The following XRN1 variants were observed in gnomAD, a reference collection of about 807,000 sequenced individuals.
XRN1 encodes the protein strand-exchange protein 1 homolog.
In XRN1, 67 loss-of-function variants were observed where a neutral mutation model predicts 222.3. The observed-to-expected ratio is 0.30, with a 90% CI of 0.25 to 0.37. The LOEUF (loss-of-function observed/expected upper bound fraction) is 0.37, where lower values mean the gene tolerates loss of function less well. Among genes scored for constraint, XRN1 ranks in the 10% least tolerant of loss-of-function variants. The probability of loss-of-function intolerance (pLI) is 1.00; values close to 1 mark genes in which losing one functional copy is unlikely to be tolerated. For synonymous variants in XRN1, 643 were observed against 652.4 expected, an observed-to-expected ratio of 0.99 and a Z score of 0.22; for missense variants, 1,707 against 2,000.2, an observed-to-expected ratio of 0.85 and a Z score of 2.80.
chr3:142,324,090 T>C (rs2065443881), intron 37 of XRN1, among the ~76,000 whole-genome samples: 1 of 151,902 alleles, frequency 6.6e-6, no homozygotes, highest in Non-Finnish European at 1.5e-5. Context: ...TTTCAGTTTT[T>C]TTTTTATTAT....
chr3:142,416,888 T>C (rs1193161432), intron 13 of XRN1, among the ~76,000 whole-genome samples: 1 of 151,704 alleles, frequency 6.6e-6, no homozygotes, highest in Non-Finnish European at 1.5e-5. Flanking sequence ...AAAAATTAGC[T>C]GGCCGTGGTG....
At chr3:142,413,540 G>C (rs1040019472) in intron 14 of XRN1, among the ~76,000 whole-genome samples, 1 of 152,106 alleles carries the variant, frequency 6.6e-6, no homozygotes, top group Non-Finnish European at 1.5e-5. Flanking sequence ...AGAACAGATT[G>C]TTACCCTCAA....
At chr3:142,332,270 A>C in intron 36 of XRN1, 105 bp downstream of exon 36, 1 of 942,936 alleles carries the variant, frequency 1.1e-6, no homozygotes. Flanking sequence ...AAATAAATAC[A>C]TTAAAATAAA....
intron 2 of XRN1, among the ~76,000 whole-genome samples, 185 bp from the exon 3 acceptor site, chr3:142,427,026 A>G (rs557356913): frequency 6.6e-6 from 1 of 152,296 alleles, no homozygotes; most frequent in East Asian, 1.9e-4. Context: ...TGTTTTGTTT[A>G]TTTAAAGAAT....
At chr3:142,323,283 GTTTT>G (rs570184478) in intron 37 of XRN1, among the ~76,000 whole-genome samples, 474 of 145,242 alleles carry the variant, frequency 3.3e-3, no homozygotes, top group Non-Finnish European at 5.6e-3. Context: ...CACTCTTAAG[GTTTT>G]TTTTTTGTTT....
At chr3:142,363,571 C>T (rs558010419) in intron 29 of XRN1, among the ~76,000 whole-genome samples, 2 of 143,744 alleles carry the variant, frequency 1.4e-5, no homozygotes, top group South Asian at 4.4e-4. Flanking sequence ...GTAAAGTTTA[C>T]TCTAGCTTTG....
chr3:142,329,413 T>C (rs1332395902), intron 37 of XRN1, 21 bp downstream of exon 37: 4 of 1,388,784 alleles, frequency 2.9e-6, no homozygotes, highest in Middle Eastern at 2.0e-4. Context: ...TTTATATAAA[T>C]AGAACAGTAG....
At chr3:142,431,585 G>A (rs2069527758) in intron 2 of XRN1, among the ~76,000 whole-genome samples, 1 of 151,654 alleles carries the variant, frequency 6.6e-6, no homozygotes, top group African/African-American at 2.4e-5. Flanking sequence ...GGGAGGCTGA[G>A]GTGGGTGGCT....
rs528861456 is a variant in XRN1 at position 142,358,248 on chromosome 3, G to A, written c.3465-1129C>T. Among the ~76,000 whole-genome samples, 3 of 152,090 alleles carry A rather than the reference G, an allele frequency of 2.0e-5. No homozygotes were observed. The East Asian group carries it at 5.8e-4, about 29-fold the overall frequency. ...TTTTCCCTCATTTTCCCATCTTAAAGTTCTGGGCCTGTACCTGGAAAGGCT... is the reference window on the plus strand; with the variant it reads ...TTTTCCCTCATTTTCCCATCTTAAAATTCTGGGCCTGTACCTGGAAAGGCT... On this transcript the variant is annotated intron_variant, in intron 30 of 40. Transcript: ENST00000392981.
At position 142,365,333 on chromosome 3, in the gene XRN1, C is replaced by G. The variant is rs2066781517; in HGVS notation, c.3238G>C (p.Val1080Leu). ...ACTCTGTATAGCAAATGGGGTTTCA[C>G]TGTTACTCGCACCTTCTTATTATTC... Reference protein sequence around the residue: ...RKNNKKVRVTVKPHLLYRPLE... With the variant: ...RKNNKKVRVTLKPHLLYRPLE... Residue 1080 changes from valine (V) to leucine (L), a missense_variant, in exon 28 of 41, where the codon GTG becomes CTG. Physicochemically the swap from Val to Leu is conservative, Grantham distance 32 (BLOSUM62 1). Around this residue, in one of 2 missense-constraint regions of XRN1, gnomAD observed 1,234 missense variants for 1,518.2 expected, o/e 0.81. Coordinates refer to ENST00000392981, the MANE Select transcript of XRN1 (RefSeq NM_001282857.2). 1 of 1,585,706 alleles carries G rather than the reference C, an allele frequency of 6.3e-7. No individual in the cohort carries two copies. The highest frequency in any genetic ancestry group is 2.3e-5 in the East Asian group (1 of 44,188).
Position 142,422,572 on chromosome 3 carries a change from T to C in XRN1, c.967+10A>G, listed in dbSNP as rs747252500. The C allele has an allele frequency of 1.7e-5, 28 of 1,611,376 alleles. No individual in the cohort carries two copies. Among genetic ancestry groups the C allele is most frequent in the Non-Finnish European group, 2.3e-5 (27 of 1,178,686 alleles). On this transcript the variant is annotated intron_variant, in intron 8 of 40. Transcript: ENST00000392981. ...AAAGTATCCTCGAGAGATTATTAAA[T>C]TCTTCTTACCCCCAAGTTCTGGCAG...
At chr3:142,443,586 CG>C (rs1489276140) in intron 1 of XRN1, among the ~76,000 whole-genome samples, 2 of 152,226 alleles carry the variant, frequency 1.3e-5, no homozygotes, top group Non-Finnish European at 2.9e-5. Context: ...CAACCCCCTT[CG>C]GGTCCCCTCC....
intron 33 of XRN1, 73 bp downstream of exon 33, chr3:142,347,161 A>G: frequency 9.4e-7 from 1 of 1,060,004 alleles, no homozygotes; most frequent in East Asian, 2.6e-5. Flanking sequence ...TATGTAAATT[A>G]TATCAATAAA....
chr3:142,411,068 A>G (rs925989211), intron 15 of XRN1, among the ~76,000 whole-genome samples: 19 of 152,322 alleles, frequency 1.2e-4, no homozygotes, highest in Admixed American at 5.9e-4. Context: ...GTGAGTTTTG[A>G]TAAGTTGTGA....
chr3:142,311,953 G>A, intron 40 of XRN1, 140 bp from the exon 41 acceptor site: 1 of 884,134 alleles, frequency 1.1e-6, no homozygotes, highest in Non-Finnish European at 1.7e-6. Context: ...TGCCAAGTAA[G>A]ACTTTAGTAA....
chr3:142,327,266 C>T (rs1447308304), intron 37 of XRN1, among the ~76,000 whole-genome samples: 2 of 151,986 alleles, frequency 1.3e-5, no homozygotes, highest in Non-Finnish European at 2.9e-5. Flanking sequence ...TTTTTACTAC[C>T]GCTTCCATCT....
chr3:142,385,882 C>T (rs1577339898), intron 20 of XRN1, among the ~76,000 whole-genome samples: 1 of 151,934 alleles, frequency 6.6e-6, no homozygotes, highest in South Asian at 2.1e-4. Flanking sequence ...CTCAGTCCAT[C>T]TACCGAGCTC....
chr3:142,384,508 T>C lies in XRN1; in HGVS notation c.2502+15A>G, dbSNP rs1245322830. On this transcript the variant is annotated intron_variant, in intron 21 of 40. Transcript: ENST00000392981. ...GTGTATATTAAGACAGAATTGAAACTTGATATAGACTTACCTTGACAATAG... is the reference window on the plus strand; with the variant it reads ...GTGTATATTAAGACAGAATTGAAACCTGATATAGACTTACCTTGACAATAG... 1.3e-6 allele frequency: 2 copies of C among 1,599,578 alleles called. No homozygotes were observed. The highest frequency in any genetic ancestry group is 2.2e-5 in the East Asian group (1 of 44,630).
chr3:142,331,357 CT>C (rs1482390321), intron 36 of XRN1, among the ~76,000 whole-genome samples: 1 of 148,866 alleles, frequency 6.7e-6, no homozygotes, highest in East Asian at 2.0e-4. Context: ...GCTTTACAGA[CT>C]TAAGAGTATG....
Sources: gnomAD v4.1 joint callset for allele counts (sites outside exome capture counted in the v4.1 genomes callset) on GRCh38, gnomAD v4.1.1 for gene constraint, gnomAD v4.1.1 regional missense constraint, MANE v1.5 for transcripts, NCBI Gene and HGNC (gene_info 2026-07-23, HGNC 2026-07-21) for gene names.